Variants in MEGF9 observed in about 807,000 individuals in gnomAD.
The protein encoded by MEGF9 is multiple epidermal growth factor-like domains protein 9.
A neutral mutation model predicts 46.8 loss-of-function variants in MEGF9; 6 were observed. The ratio of observed to expected loss-of-function variants is 0.13; its 90% CI spans 0.07 to 0.25. MEGF9 has a LOEUF of 0.25. MEGF9 is among the 10% of genes least tolerant of loss of function. MEGF9 has a pLI of 1.00. For synonymous variants in MEGF9, 302 were observed against 330.7 expected (o/e 0.91, Z 0.94); for missense variants, 683 against 792.4 (o/e 0.86, Z 1.66).
At position 120,677,801 on chromosome 9, in the gene MEGF9, G is replaced by T. The variant is rs118063803; in HGVS notation, c.602-18226C>A. Among the ~76,000 whole-genome samples the T allele has an allele frequency of 1.1e-3, 163 of 152,192 alleles. 4 individuals carry two copies. The East Asian group carries it at 0.029, about 27-fold the overall frequency. On this transcript the variant is annotated intron_variant, in intron 1 of 5. Coordinates refer to ENST00000373930, the MANE Select transcript of MEGF9 (RefSeq NM_001080497.3). Reference sequence around the variant, plus strand: ...TTTTTGTGCCACCACTTTTCCATTAGTATACATTTTTCAAAGTTTTGAAAA... The same window carrying T: ...TTTTTGTGCCACCACTTTTCCATTATTATACATTTTTCAAAGTTTTGAAAA...
At chr9:120,704,108 C>T (rs1322084427) in intron 1 of MEGF9, among the ~76,000 whole-genome samples, 2 of 152,022 alleles carry the variant, frequency 1.3e-5, no homozygotes, top group African/African-American at 2.4e-5. Context: ...CCAAGGCGGG[C>T]GGATCACTTG....
intron 2 of MEGF9, among the ~76,000 whole-genome samples, chr9:120,629,569 C>T (rs117125605): frequency 0.034 from 5,204 of 151,778 alleles, 283 homozygotes; most frequent in East Asian, 0.27. Context: ...ATCTGGGAGG[C>T]GGAGGTTGTT....
intron 1 of MEGF9, among the ~76,000 whole-genome samples, chr9:120,679,416 T>C (rs1028413294): frequency 3.5e-5 from 5 of 144,670 alleles, no homozygotes; most frequent in East Asian, 2.0e-4. Context: ...TATGTGGGAA[T>C]TGAACAATGA....
At chr9:120,699,420 T>C (rs1014592767) in intron 1 of MEGF9, among the ~76,000 whole-genome samples, 2 of 152,110 alleles carry the variant, frequency 1.3e-5, no homozygotes, top group South Asian at 2.1e-4. Context: ...ATTATTTTTA[T>C]AATTGTAAAA....
At chr9:120,709,551 T>C (rs2043943451) in intron 1 of MEGF9, among the ~76,000 whole-genome samples, 1 of 152,158 alleles carries the variant, frequency 6.6e-6, no homozygotes, top group South Asian at 2.1e-4. Flanking sequence ...ATGATCCCTG[T>C]CCCCTAACCT....
chr9:120,660,414 C>T (rs534560259), intron 1 of MEGF9, among the ~76,000 whole-genome samples: 3 of 152,296 alleles, frequency 2.0e-5, no homozygotes, highest in Admixed American at 6.5e-5. Flanking sequence ...TCCAATTATA[C>T]TCCTTTAGTT....
At chr9:120,660,772 A>G (rs1331926728) in intron 1 of MEGF9, among the ~76,000 whole-genome samples, 1 of 152,218 alleles carries the variant, frequency 6.6e-6, no homozygotes, top group Non-Finnish European at 1.5e-5. Flanking sequence ...TTGTATTAAC[A>G]TATGTATCCT....
chr9:120,671,960 A>G (rs2043751301), intron 1 of MEGF9, among the ~76,000 whole-genome samples: 1 of 152,240 alleles, frequency 6.6e-6, no homozygotes, highest in South Asian at 2.1e-4. Flanking sequence ...ACACTTGAAA[A>G]CTAATCAGTG....
At chr9:120,704,950 A>G (rs2043921628) in intron 1 of MEGF9, among the ~76,000 whole-genome samples, 1 of 152,210 alleles carries the variant, frequency 6.6e-6, no homozygotes, top group Non-Finnish European at 1.5e-5. Context: ...ATTCATAAAT[A>G]GGAAAATAAA....
chr9:120,664,249 T>C (rs1047529322), intron 1 of MEGF9, among the ~76,000 whole-genome samples: 4 of 152,150 alleles, frequency 2.6e-5, no homozygotes, highest in Admixed American at 2.0e-4. Context: ...ATCTATCTCA[T>C]AGAGAATATT....
At chr9:120,703,197 TA>T in intron 1 of MEGF9, among the ~76,000 whole-genome samples, 1 of 152,346 alleles carries the variant, frequency 6.6e-6, no homozygotes, top group East Asian at 1.9e-4. Context: ...ATTTCTAAAC[TA>T]AAAAGAAAGG....
At chr9:120,637,848 C>T (rs2043585471) in intron 2 of MEGF9, among the ~76,000 whole-genome samples, 1 of 140,648 alleles carries the variant, frequency 7.1e-6, no homozygotes, top group Non-Finnish European at 1.5e-5. Flanking sequence ...TTCTGCACTT[C>T]ATAAGTCATT....
chr9:120,634,295 C>T (rs1217260658), intron 2 of MEGF9, among the ~76,000 whole-genome samples: 6 of 151,960 alleles, frequency 3.9e-5, no homozygotes, highest in African/African-American at 1.2e-4. Context: ...TATATATTTA[C>T]AATTATTATA....
chr9:120,637,072 T>A (rs753230935), intron 2 of MEGF9, among the ~76,000 whole-genome samples: 2 of 152,206 alleles, frequency 1.3e-5, no homozygotes, highest in Non-Finnish European at 2.9e-5. Flanking sequence ...AGACTCCATT[T>A]CTGTACTAAG....
At chr9:120,695,036 TA>T (rs748784492) in intron 1 of MEGF9, among the ~76,000 whole-genome samples, 1,669 of 137,240 alleles carry the variant, frequency 0.012, 8 homozygotes, top group Non-Finnish European at 0.015. Context: ...TATAGTGGTT[TA>T]AAAAAAAAAA....
At chr9:120,612,260 G>A in intron 4 of MEGF9, 136 bp downstream of exon 4, 1 of 706,424 alleles carries the variant, frequency 1.4e-6, no homozygotes, top group Non-Finnish European at 2.1e-6. Flanking sequence ...TAAATTCCTG[G>A]AAAGGAAAAC....
intron 1 of MEGF9, among the ~76,000 whole-genome samples, chr9:120,662,158 T>C (rs1172550317): frequency 4.6e-5 from 7 of 152,200 alleles, no homozygotes; most frequent in Non-Finnish European, 1.0e-4. Flanking sequence ...ATATAAACAC[T>C]TAATATTTTT....
intron 3 of MEGF9, among the ~76,000 whole-genome samples, chr9:120,616,636 C>T (rs527292164): frequency 1.4e-5 from 2 of 147,870 alleles, no homozygotes; most frequent in South Asian, 4.3e-4. Flanking sequence ...CCCAGATCAG[C>T]CACTGCACTC....
At chr9:120,689,819 C>T (rs749236584) in intron 1 of MEGF9, 7 of 396,498 alleles carry the variant, frequency 1.8e-5, no homozygotes, top group Non-Finnish European at 3.8e-5. Flanking sequence ...GCTTTATAAC[C>T]ACCTAAAGTC....
Sources: gnomAD v4.1 joint callset for allele counts (sites outside exome capture counted in the v4.1 genomes callset) on GRCh38, gnomAD v4.1.1 for gene constraint, MANE v1.5 for transcripts, NCBI Gene and HGNC (gene_info 2026-07-23, HGNC 2026-07-21) for gene names.